CCDC38: variants seen among roughly 807,000 people sequenced by gnomAD.
CCDC38 encodes coiled-coil domain containing 38.
Under a neutral mutation model 72.8 loss-of-function variants are expected in CCDC38, and 69 were observed. That is an observed-to-expected ratio of 0.95 (90% confidence interval 0.78 to 1.16). The LOEUF (loss-of-function observed/expected upper bound fraction) is 1.16. CCDC38 is among the 50% of genes most tolerant of loss of function. The probability of loss-of-function intolerance (pLI) is 0.00; values close to 1 mark genes in which losing one functional copy is unlikely to be tolerated. For synonymous variants in CCDC38, 201 were observed against 213.2 expected (o/e 0.94, Z 0.50); for missense variants, 626 against 638.9 (o/e 0.98, Z 0.22).
Position 95,886,923 on chromosome 12 carries a change from G to A in CCDC38, c.920+1535C>T, listed in dbSNP as rs536705087. Among the ~76,000 whole-genome samples, 5 of 152,274 alleles carry A rather than the reference G, an allele frequency of 3.3e-5. No individual in the cohort carries two copies. The South Asian group carries it at 8.3e-4, about 25-fold the overall frequency. ...CATGCGGCCGGGCGTGGTGGCTCACGCCTGTAATCCCAGCACTTTGAAGGC... is the reference window on the plus strand; with the variant it reads ...CATGCGGCCGGGCGTGGTGGCTCACACCTGTAATCCCAGCACTTTGAAGGC... On this transcript the variant is annotated intron_variant, in intron 10 of 15. Coordinates refer to ENST00000344280, the MANE Select transcript of CCDC38 (RefSeq NM_182496.3).
chr12:95,870,646 GTGCTGTTAGTGTAGTCA>G (rs1170679363), intron 14 of CCDC38, among the ~76,000 whole-genome samples: 3 of 152,174 alleles, frequency 2.0e-5, no homozygotes, highest in African/African-American at 7.2e-5. Flanking sequence ...AAAGATGGAA[GTGCTGTTAGTGTAGTCA>G]TAATGAGGTC....
At chr12:95,912,957 A>C (rs916018164) in intron 4 of CCDC38, among the ~76,000 whole-genome samples, 4 of 151,932 alleles carry the variant, frequency 2.6e-5, no homozygotes, top group Non-Finnish European at 5.9e-5. Context: ...GCTACTTGGG[A>C]GGGGAGGCTG....
At chr12:95,942,167 A>G (rs946008671) in intron 1 of CCDC38, among the ~76,000 whole-genome samples, 7 of 152,222 alleles carry the variant, frequency 4.6e-5, no homozygotes, top group African/African-American at 1.2e-4. Flanking sequence ...CTATCTTTGT[A>G]TGTTCCACAA....
intron 4 of CCDC38, among the ~76,000 whole-genome samples, chr12:95,913,898 G>A (rs921970571): frequency 6.6e-6 from 1 of 152,016 alleles, no homozygotes; most frequent in African/African-American, 2.4e-5. Context: ...TCGAATAAGT[G>A]ACAGACTCCG....
intron 1 of CCDC38, among the ~76,000 whole-genome samples, chr12:95,941,449 A>G (rs566286328): frequency 6.6e-6 from 1 of 152,344 alleles, no homozygotes; most frequent in African/African-American, 2.4e-5. Flanking sequence ...AGCTCTCCCT[A>G]TGATGAGGAT....
At chr12:95,878,428 G>A in intron 12 of CCDC38, 82 bp from the exon 13 acceptor site, 2 of 1,357,836 alleles carry the variant, frequency 1.5e-6, no homozygotes, top group Non-Finnish European at 2.0e-6. Flanking sequence ...TAACACTCTA[G>A]ATCATGTGTC....
chr12:95,887,172 G>A (rs753317619), intron 10 of CCDC38, among the ~76,000 whole-genome samples: 3 of 151,560 alleles, frequency 2.0e-5, no homozygotes, highest in Non-Finnish European at 2.9e-5. Context: ...GTGACAGAGC[G>A]AGACTCCATT....
intron 2 of CCDC38, among the ~76,000 whole-genome samples, chr12:95,920,919 G>A (rs201196351): frequency 7.2e-5 from 11 of 152,134 alleles, no homozygotes; most frequent in East Asian, 3.9e-4. Flanking sequence ...ACCTGAGGTC[G>A]GGAGTTCGAG....
chr12:95,898,858 AC>A, intron 5 of CCDC38, 127 bp from the exon 6 acceptor site: 1 of 932,326 alleles, frequency 1.1e-6, no homozygotes, highest in South Asian at 1.8e-5. Flanking sequence ...GGAGCAATGG[AC>A]TTTATTTCTT....
intron 10 of CCDC38, among the ~76,000 whole-genome samples, chr12:95,886,529 A>G (rs1052455541): frequency 6.6e-6 from 1 of 152,186 alleles, no homozygotes. Context: ...AAAAAAGACA[A>G]TCTATACACT....
intron 2 of CCDC38, among the ~76,000 whole-genome samples, chr12:95,935,877 G>A (rs1173043524): frequency 6.6e-6 from 1 of 152,114 alleles, no homozygotes; most frequent in Non-Finnish European, 1.5e-5. Flanking sequence ...TCAGGAGTTT[G>A]AGACCAGCCT....
At chr12:95,881,894 T>C (rs2079704741) in intron 10 of CCDC38, among the ~76,000 whole-genome samples, 1 of 152,214 alleles carries the variant, frequency 6.6e-6, no homozygotes. Flanking sequence ...CCTCATCCTT[T>C]TGTCCTTTTA....
At chr12:95,940,000 A>G (rs1164087036) in intron 1 of CCDC38, among the ~76,000 whole-genome samples, 2 of 152,336 alleles carry the variant, frequency 1.3e-5, no homozygotes, top group East Asian at 3.9e-4. Flanking sequence ...AGTATGAATA[A>G]TAACACCTTC....
Position 95,878,358 on chromosome 12 carries a change from G to A in CCDC38, c.1143-12C>T. The A allele has an allele frequency of 6.2e-7, 1 of 1,606,128 alleles. No homozygotes were observed. ...CTATGTTGCTATTTCTATTACAAAAGAAGAAAGAGACCCTCATCTGAAATT... is the reference window on the plus strand; with the variant it reads ...CTATGTTGCTATTTCTATTACAAAAAAAGAAAGAGACCCTCATCTGAAATT... On this transcript the variant is annotated splice_polypyrimidine_tract_variant and intron_variant, in intron 12 of 15. Coordinates refer to ENST00000344280, the MANE Select transcript of CCDC38 (RefSeq NM_182496.3).
intron 2 of CCDC38, among the ~76,000 whole-genome samples, chr12:95,930,190 C>A (rs2080322617): frequency 6.6e-6 from 1 of 152,180 alleles, no homozygotes; most frequent in Non-Finnish European, 1.5e-5. Flanking sequence ...AAACTCACCA[C>A]ATGAACTAGT....
At chr12:95,888,391 G>C in intron 10 of CCDC38, 67 bp downstream of exon 10, 1 of 1,389,296 alleles carries the variant, frequency 7.2e-7, no homozygotes, top group South Asian at 1.2e-5. Context: ...TTGAGAAAAG[G>C]CTTTAAAAGT....
At chr12:95,939,563 G>T (rs1025858906) in intron 1 of CCDC38, among the ~76,000 whole-genome samples, 1 of 152,186 alleles carries the variant, frequency 6.6e-6, no homozygotes, top group Non-Finnish European at 1.5e-5. Context: ...TTGGCTGATG[G>T]TTTGGATGTG....
At chr12:95,874,072 G>A (rs2079610169) in intron 13 of CCDC38, among the ~76,000 whole-genome samples, 1 of 152,132 alleles carries the variant, frequency 6.6e-6, no homozygotes, top group African/African-American at 2.4e-5. Context: ...AACACTTACT[G>A]TGTTTCCTAT....
intron 3 of CCDC38, among the ~76,000 whole-genome samples, chr12:95,917,913 T>C (rs958433512): frequency 1.3e-5 from 2 of 151,542 alleles, no homozygotes; most frequent in Non-Finnish European, 2.9e-5. Context: ...TCTGTGGAAT[T>C]AAAACTTGAG....
Sources: allele counts gnomAD v4.1 joint callset (sites outside exome capture counted in the v4.1 genomes callset), GRCh38; gene constraint gnomAD v4.1.1; transcripts MANE v1.5; gene names NCBI Gene and HGNC (gene_info 2026-07-23, HGNC 2026-07-21).